Variants in PIK3CA observed in about 807,000 individuals in gnomAD.
PIK3CA encodes the protein phosphatidylinositol 4,5-bisphosphate 3-kinase catalytic subunit alpha isoform.
Under a neutral mutation model 138.2 loss-of-function variants are expected in PIK3CA, and 27 were observed. The observed-to-expected ratio is 0.20, with a 90% CI of 0.14 to 0.27. The LOEUF is 0.27. Among genes scored for constraint, PIK3CA ranks in the 10% least tolerant of loss-of-function variants. The probability of loss-of-function intolerance (pLI) is 1.00; values close to 1 mark genes in which losing one functional copy is unlikely to be tolerated. For synonymous variants in PIK3CA, 358 were observed against 413.2 expected (o/e 0.87, Z 1.62); for missense variants, 544 against 1,277.4 (o/e 0.43, Z 8.75).
In PIK3CA at chr3:179,230,930, G is replaced by A. The variant is rs1055787533; in HGVS notation, c.2936+554G>A. On this transcript the variant is annotated intron_variant, in intron 20 of 20. Transcript: ENST00000263967. The surrounding 1 kb of genome is among the most constrained non-coding windows in gnomAD (Gnocchi z 5.4). ...TTTTAGCGCACCTGTAACCCAAGTA[G>A]TGTGCTTTGCCCCCAGTATATACTT... is the stretch of plus-strand genomic sequence containing the variant. Among the ~76,000 whole-genome samples the A allele has an allele frequency of 6.6e-6, 1 of 152,108 alleles. No homozygotes were observed. Among genetic ancestry groups the A allele is most frequent in the African/African-American group, 2.4e-5 (1 of 41,424 alleles).
At chr3:179,210,398 T>C (rs746813373) in intron 8 of PIK3CA, 33 bp from the exon 9 acceptor site, 2 of 1,600,188 alleles carry the variant, frequency 1.2e-6, no homozygotes, top group South Asian at 2.3e-5. Context: ...TTCTCTCTTA[T>C]GTATATATAA....
In PIK3CA at chr3:179,209,273, C is replaced by T. The variant is rs181347248; in HGVS notation, c.1146-322C>T. Reference sequence around the variant, plus strand: ...CAAATTGGTTGTAACAAATTATACCCCAATACTCTTAGTGTATGAGATTTC... The same window carrying T: ...CAAATTGGTTGTAACAAATTATACCTCAATACTCTTAGTGTATGAGATTTC... On this transcript the variant is annotated intron_variant, in intron 6 of 20. Coordinates refer to ENST00000263967, the MANE Select transcript of PIK3CA (RefSeq NM_006218.4). Among the ~76,000 whole-genome samples the T allele has an allele frequency of 6.6e-5, 10 of 151,910 alleles. No homozygotes were observed. In the East Asian group the frequency reaches 1.7e-3, roughly 26 times the overall value.
rs182544094 is a variant in PIK3CA at position 179,190,377 on chromosome 3, A to T, written c.-76-8373A>T. Among the ~76,000 whole-genome samples, 233 of 151,190 alleles carry T rather than the reference A, an allele frequency of 1.5e-3. 1 individual carries two copies. The highest frequency in any genetic ancestry group is 5.4e-3 in the African/African-American group (223 of 41,110). On this transcript the variant is annotated intron_variant, in intron 1 of 20. Transcript: ENST00000263967. Reference sequence around the variant, plus strand: ...TTCATAGCCTAATAGGAGGTCAAACATGACTACAGATAATTTTAATGAGTA... The same window carrying T: ...TTCATAGCCTAATAGGAGGTCAAACTTGACTACAGATAATTTTAATGAGTA...
In PIK3CA at chr3:179,236,324, A is replaced by G. The variant is rs1040437333; in HGVS notation, c.*1960A>G. ...GTCTTGCGATAGTTAAGCAGAATTTAAACTCTGTTTTAAGCAGGAAACCAG... is the reference window on the plus strand; with the variant it reads ...GTCTTGCGATAGTTAAGCAGAATTTGAACTCTGTTTTAAGCAGGAAACCAG... On this transcript the variant is annotated 3_prime_UTR_variant, in exon 21 of 21. Coordinates refer to ENST00000263967, the MANE Select transcript of PIK3CA (RefSeq NM_006218.4). The G allele has an allele frequency of 3.8e-5, 8 of 209,872 alleles. No homozygotes were observed. In the East Asian group the frequency reaches 5.0e-4, roughly 13 times the overall value. 13.0% of individuals were successfully genotyped at this position (209,872 alleles called of 1,614,324 possible). A position where few individuals can be genotyped will look rare whatever the true frequency, so the allele number is the denominator to read the frequency against.
intron 1 of PIK3CA, among the ~76,000 whole-genome samples, chr3:179,182,957 C>G (rs1723885840): frequency 6.6e-6 from 1 of 152,182 alleles, no homozygotes; most frequent in African/African-American, 2.4e-5. Flanking sequence ...TACATGACTT[C>G]ACATTGTTGT....
chr3:179,217,700 T>G (rs1724868749), intron 9 of PIK3CA, among the ~76,000 whole-genome samples: 1 of 152,114 alleles, frequency 6.6e-6, no homozygotes, highest in South Asian at 2.1e-4. Flanking sequence ...TACAGTGTTT[T>G]AATGGGGGTG....
At chr3:179,166,275 T>C (rs916790369) in intron 1 of PIK3CA, among the ~76,000 whole-genome samples, 3 of 152,208 alleles carry the variant, frequency 2.0e-5, no homozygotes, top group South Asian at 2.1e-4. Flanking sequence ...CTGGCTTCTT[T>C]TCTGGTTTTG....
chr3:179,205,875 T>C (rs1724546762), intron 6 of PIK3CA, among the ~76,000 whole-genome samples: 1 of 152,106 alleles, frequency 6.6e-6, no homozygotes, highest in Non-Finnish European at 1.5e-5. Flanking sequence ...CATAATGAAT[T>C]TAGACTGAGT....
rs1218488709 is a variant in PIK3CA, at chr3:179,180,465, G to A, written c.-76-18285G>A. Among the ~76,000 whole-genome samples the A allele has an allele frequency of 2.0e-5, 3 of 152,076 alleles. No homozygotes were observed. The East Asian group carries it at 5.8e-4, about 29-fold the overall frequency. On this transcript the variant is annotated intron_variant, in intron 1 of 20. Transcript: ENST00000263967. ...TCAGCTGCTAGTGTCTTAATAGAAG[G>A]TAATTGCTTAATGAATGCTTGTTGA...
At chr3:179,187,772 G>A (rs1298471452) in intron 1 of PIK3CA, among the ~76,000 whole-genome samples, 1 of 151,358 alleles carries the variant, frequency 6.6e-6, no homozygotes, top group African/African-American at 2.4e-5. Flanking sequence ...CGAGTAGCTG[G>A]GACTACAGGC....
chr3:179,150,548 A>G (rs1448836574), intron 1 of PIK3CA, among the ~76,000 whole-genome samples: 1 of 152,208 alleles, frequency 6.6e-6, no homozygotes, highest in East Asian at 1.9e-4. Context: ...GATGTTACTA[A>G]ATACAAATAT....
At chr3:179,160,644 CCTT>C (rs1249161530) in intron 1 of PIK3CA, among the ~76,000 whole-genome samples, 1 of 152,100 alleles carries the variant, frequency 6.6e-6, no homozygotes, top group Non-Finnish European at 1.5e-5. Flanking sequence ...AAGCCTTCAC[CCTT>C]CTTAATTCTA....
chr3:179,210,395 T>C (rs1023633056), intron 8 of PIK3CA, 36 bp from the exon 9 acceptor site: 2 of 1,597,846 alleles, frequency 1.3e-6, no homozygotes, highest in Non-Finnish European at 1.7e-6. Flanking sequence ...ACCTTCTCTC[T>C]TATGTATATA....
chr3:179,212,476 G>A (rs995653455), intron 9 of PIK3CA, among the ~76,000 whole-genome samples: 6 of 151,666 alleles, frequency 4.0e-5, no homozygotes, highest in African/African-American at 1.5e-4. Flanking sequence ...AGGCGTTGTT[G>A]TACATGCCTG....
intron 1 of PIK3CA, among the ~76,000 whole-genome samples, chr3:179,183,408 T>TA (rs764694925): frequency 2.0e-5 from 3 of 152,192 alleles, no homozygotes; most frequent in Non-Finnish European, 2.9e-5. Flanking sequence ...TACAATATCT[T>TA]ACGTTCATTA....
chr3:179,230,203 CAT>C lies in PIK3CA; in HGVS notation c.2785-20_2785-19del, dbSNP rs760259404. ...TGTATCTGCATATATCAAACTATAA[CAT>C]AATTTCTTATTTTTGAAAGCTGTTT... On this transcript the variant is annotated intron_variant, in intron 19 of 20. Transcript: ENST00000263967. The surrounding 1 kb of genome is among the most constrained non-coding windows in gnomAD (Gnocchi z 5.4). The C allele has an allele frequency of 1.0e-5, 16 of 1,582,716 alleles. No homozygotes were observed. In the East Asian group the frequency reaches 3.1e-4, roughly 31 times the overall value.
At chr3:179,218,436 A>T (rs1463777688) in intron 10 of PIK3CA, 102 bp downstream of exon 10, 1 of 840,192 alleles carries the variant, frequency 1.2e-6, no homozygotes, top group East Asian at 2.7e-5. Context: ...CTATTGGAAT[A>T]AATAAAGCAG....
chr3:179,203,701 C>T lies in PIK3CA; in HGVS notation c.971C>T (p.Thr324Ile), dbSNP rs1724481700. Residue 324 changes from threonine (T) to isoleucine (I), a missense_variant, in exon 5 of 21, where the codon ACA becomes ATA. Thr to Ile is a moderately conservative substitution (Grantham distance 89). Transcript: ENST00000263967. ...ATPYMNGETS[T>I]KSLWVINSAL... is the part of the protein sequence containing the mutation. ...CCATATATGAATGGAGAAACATCTA[C>T]AAAATCCCTTTGGGTTATAAATAGT... The T allele has an allele frequency of 6.2e-7, 1 of 1,613,422 alleles. No homozygotes were observed. Among genetic ancestry groups the T allele is most frequent in the Non-Finnish European group, 8.5e-7 (1 of 1,179,708 alleles).
At chr3:179,216,093 C>G (rs1724830237) in intron 9 of PIK3CA, among the ~76,000 whole-genome samples, 1 of 152,220 alleles carries the variant, frequency 6.6e-6, no homozygotes, top group East Asian at 1.9e-4. Flanking sequence ...TTGAGAACCA[C>G]TACTCTAAAC....
Sources: allele counts gnomAD v4.1 joint callset (sites outside exome capture counted in the v4.1 genomes callset), GRCh38; gene constraint gnomAD v4.1.1; non-coding constraint Gnocchi (gnomAD v3.1); transcripts MANE v1.5; gene names NCBI Gene and HGNC (gene_info 2026-07-23, HGNC 2026-07-21).